Variants in SLC20A1 observed in about 807,000 individuals in gnomAD.
The protein encoded by SLC20A1 is solute carrier family 20 member 1, also known as sodium-dependent phosphate transporter 1.
A neutral mutation model predicts 62.7 loss-of-function variants in SLC20A1; 28 were observed. The ratio of observed to expected loss-of-function variants is 0.45; its 90% confidence interval spans 0.33 to 0.61. The LOEUF (loss-of-function observed/expected upper bound fraction) is 0.61. Among genes scored for constraint, SLC20A1 ranks in the 20% least tolerant of loss-of-function variants. SLC20A1 has a pLI of 0.02. For synonymous variants in SLC20A1, 305 were observed against 302.9 expected (o/e 1.01, Z -0.07); for missense variants, 673 against 838.6 (o/e 0.80, Z 2.44).
In SLC20A1 at chr2:112,659,507, C is replaced by G; in HGVS notation, c.1352C>G (p.Pro451Arg). The change falls in exon 8 of 11, where the codon CCT (proline) becomes CGT (arginine). Residue 451 changes from proline to arginine, a missense_variant. Coordinates refer to ENST00000272542, the MANE Select transcript of SLC20A1 (RefSeq NM_005415.5). ...KGEEMEKLTW[P>R]NADSKKRIRM... ...GAAGAAATGGAGAAGCTGACATGGC[C>G]TAATGCAGACTCCAAGAAGCGAATT... is the stretch of plus-strand genomic sequence containing the variant. The G allele has an allele frequency of 6.2e-7, 1 of 1,614,200 alleles. No individual in the cohort carries two copies. The highest frequency in any genetic ancestry group is 8.5e-7 in the Non-Finnish European group (1 of 1,180,054).
Position 112,646,886 on chromosome 2 carries a change from G to A in SLC20A1, c.58G>A (p.Asp20Asn). ...TACCGCCGCTTCTGGTCCTTTGGTGGACTACCTATGGATGCTCATCCTGGG... is the reference window on the plus strand; with the variant it reads ...TACCGCCGCTTCTGGTCCTTTGGTGAACTACCTATGGATGCTCATCCTGGG... ...AATAASGPLV[D>N]YLWMLILGFI... Residue 20 changes from aspartate (D) to asparagine (N), a missense_variant, in exon 2 of 11, where the codon GAC (aspartate) becomes AAC (asparagine). Asp to Asn is a conservative substitution (Grantham distance 23, BLOSUM62 1). Transcript: ENST00000272542. 2 of 1,613,868 alleles carry A rather than the reference G, an allele frequency of 1.2e-6. No homozygotes were observed. The highest frequency in any genetic ancestry group is 1.7e-6 in the Non-Finnish European group (2 of 1,179,918).
chr2:112,647,697 G>C lies in SLC20A1; in HGVS notation c.520G>C (p.Gly174Arg). ...CCCACTGCTTTCTGGAATTATGTCTGGAATTTTATTCTTCCTGGTTCGTGC... is the reference window on the plus strand; with the variant it reads ...CCCACTGCTTTCTGGAATTATGTCTCGAATTTTATTCTTCCTGGTTCGTGC... ...VSPLLSGIMS[G>R]ILFFLVRAFI... is the part of the protein sequence containing the mutation. Residue 174 changes from glycine (G) to arginine (R), a missense_variant, in exon 4 of 11, where the codon GGA (glycine) becomes CGA (arginine). Coordinates refer to ENST00000272542, the MANE Select transcript of SLC20A1 (RefSeq NM_005415.5). 1.2e-6 allele frequency: 2 copies of C among 1,614,016 alleles called. No individual in the cohort carries two copies. The highest frequency in any genetic ancestry group is 1.7e-6 in the Non-Finnish European group (2 of 1,179,960).
chr2:112,646,685 C>T lies in SLC20A1; in HGVS notation c.-144C>T. ...GCAGCGTATAGCAGTAACTCCCCAG[C>T]TCGGTTTCTGTGCCGTAGTTTACAG... On this transcript the variant is annotated 5_prime_UTR_variant, in exon 2 of 11. Coordinates refer to ENST00000272542, the MANE Select transcript of SLC20A1 (RefSeq NM_005415.5). 1 of 324,846 alleles carries T rather than the reference C, an allele frequency of 3.1e-6. No homozygotes were observed. The highest frequency in any genetic ancestry group is 5.2e-6 in the Non-Finnish European group (1 of 192,334). The allele number at this position is 324,846 out of a possible 1,614,324, so 20.1% of individuals were successfully genotyped here. A position where few individuals can be genotyped will look rare whatever the true frequency, so the allele number is the denominator to read the frequency against.
At chr2:112,652,261 C>A in intron 4 of SLC20A1, 1 of 162,490 alleles carries the variant, frequency 6.2e-6, no homozygotes, top group Non-Finnish European at 1.3e-5. Context: ...AGATGGTTGG[C>A]GTACGCATAG....
rs1336774385 is a variant in SLC20A1, at chr2:112,660,475, C to T, written c.1696C>T (p.Leu566Phe). The change falls in exon 9 of 11, where the codon CTC becomes TTC. Residue 566 changes from leucine (L) to phenylalanine (F), a missense_variant. By Grantham distance (22) the Leu-to-Phe change is conservative (BLOSUM62 0). Transcript: ENST00000272542. ...SKVATPIWLL[L>F]YGGVGICVGL... ...AGTGGCAACACCAATATGGCTTCTA[C>T]TCTATGGTGGTGTTGGTATCTGTGT... The T allele has an allele frequency of 3.7e-6, 6 of 1,614,178 alleles. No individual in the cohort carries two copies. The highest frequency in any genetic ancestry group is 1.1e-5 in the South Asian group (1 of 91,086).
In SLC20A1 at chr2:112,659,365, A is replaced by G. The variant is rs1325463690; in HGVS notation, c.1210A>G (p.Met404Val). The change falls in exon 8 of 11, where the codon ATG becomes GTG. Residue 404 changes from methionine (M) to valine (V), a missense_variant. Transcript: ENST00000272542. Reference protein sequence around the residue: ...KLHLAKVGDCMGDSGDKPLRR... With the variant: ...KLHLAKVGDCVGDSGDKPLRR... ...ACATCTTGCCAAGGTGGGAGATTGC[A>G]TGGGAGACTCCGGTGACAAACCCTT... 1.2e-6 allele frequency: 2 copies of G among 1,614,058 alleles called. No homozygotes were observed. The highest frequency in any genetic ancestry group is 1.7e-6 in the Non-Finnish European group (2 of 1,180,046).
rs763426663 is a variant in SLC20A1 at position 112,647,416 on chromosome 2, G to C, written c.427G>C (p.Val143Leu). 5 of 1,613,990 alleles carry C rather than the reference G, an allele frequency of 3.1e-6. No homozygotes were observed. Among genetic ancestry groups the C allele is most frequent in the Non-Finnish European group, 4.2e-6 (5 of 1,179,950 alleles). ...TGGTGCAACTATTGGTTTCTCCCTCGTGGCAAAGGGGCAGGAGGGTGTCAA... is the reference window on the plus strand; with the variant it reads ...TGGTGCAACTATTGGTTTCTCCCTCCTGGCAAAGGGGCAGGAGGGTGTCAA... ...IVGATIGFSL[V>L]AKGQEGVKWS... Residue 143 changes from valine (V) to leucine (L), a missense_variant, in exon 3 of 11, where the codon GTG becomes CTG. By Grantham distance (32) the Val-to-Leu change is conservative (BLOSUM62 1). Transcript: ENST00000272542.
intron 6 of SLC20A1, chr2:112,658,217 A>G (rs1407866503): frequency 6.6e-6 from 1 of 152,312 alleles, no homozygotes; most frequent in Non-Finnish European, 1.5e-5. Flanking sequence ...GCCTGGATGG[A>G]TAGGTCAGCA....
intron 6 of SLC20A1, among the ~76,000 whole-genome samples, chr2:112,657,563 A>C (rs931363951): frequency 6.6e-6 from 1 of 152,228 alleles, no homozygotes; most frequent in South Asian, 2.1e-4. Flanking sequence ...TAGAGAAATC[A>C]TAGCCTACAT....
chr2:112,647,526 G>A (rs1308236385), intron 3 of SLC20A1, 62 bp downstream of exon 3: 2 of 1,592,050 alleles, frequency 1.3e-6, no homozygotes, highest in East Asian at 4.5e-5. Context: ...CATGGCATTA[G>A]GTATGGGAGG....
At chr2:112,661,943 G>A (rs1476470919) in intron 10 of SLC20A1, among the ~76,000 whole-genome samples, 1 of 152,172 alleles carries the variant, frequency 6.6e-6, no homozygotes. Context: ...GGCCAGGTGG[G>A]TTTCTGCTGC....
rs1267649484 is a variant in SLC20A1, at chr2:112,659,276, G to T, written c.1121G>T (p.Gly374Val). The T allele has an allele frequency of 6.2e-7, 1 of 1,614,136 alleles. No homozygotes were observed. The highest frequency in any genetic ancestry group is 2.2e-5 in the East Asian group (1 of 44,890). ...GTCAGCAACCAAATAAACTCCAGTG[G>T]CCACTACCAGTATCACACCGTGCAT... Reference protein sequence around the residue: ...QAVSNQINSSGHYQYHTVHKD... With the variant: ...QAVSNQINSSVHYQYHTVHKD... Residue 374 changes from glycine (G) to valine (V), a missense_variant, in exon 8 of 11, where the codon GGC becomes GTC. Coordinates refer to ENST00000272542, the MANE Select transcript of SLC20A1 (RefSeq NM_005415.5).
chr2:112,646,224 GC>G (rs1686268991), intron 1 of SLC20A1, 95 bp downstream of exon 1: 1 of 152,128 alleles, frequency 6.6e-6, no homozygotes, highest in Non-Finnish European at 1.5e-5. Context: ...GGGCGGCGCG[GC>G]TGGCTTCTCT....
At chr2:112,654,741 G>C (rs4630766) in intron 5 of SLC20A1, among the ~76,000 whole-genome samples, 119,915 of 151,458 alleles carry the variant, frequency 0.79, 48,199 homozygotes, top group East Asian at 1. Flanking sequence ...CTAAAAACTA[G>C]AAAAACTAAC....
At position 112,662,968 on chromosome 2, in the gene SLC20A1, T is replaced by G. The variant is rs753614061; in HGVS notation, c.1983T>G (p.Ser661=). ...FMAWFVTVPI[S]GVISAAIMAI... is the part of the protein sequence containing the mutation. ...CCTGGTTTGTCACAGTCCCCATTTCTGGAGTTATCAGTGCTGCCATCATGG... is the reference window on the plus strand; with the variant it reads ...CCTGGTTTGTCACAGTCCCCATTTCGGGAGTTATCAGTGCTGCCATCATGG... The change falls in exon 11 of 11, where the codon TCT becomes TCG. Residue 661 remains serine (S), a synonymous_variant. Coordinates refer to ENST00000272542, the MANE Select transcript of SLC20A1 (RefSeq NM_005415.5). 6.2e-7 allele frequency: 1 copy of G among 1,614,258 alleles called. No homozygotes were observed. The highest frequency in any genetic ancestry group is 8.5e-7 in the Non-Finnish European group (1 of 1,180,038).
chr2:112,650,569 G>A (rs1686406397), intron 4 of SLC20A1, among the ~76,000 whole-genome samples: 1 of 151,872 alleles, frequency 6.6e-6, no homozygotes, highest in African/African-American at 2.4e-5. Context: ...GACCTCAGGT[G>A]CTCTGTCCGT....
At chr2:112,649,148 A>T (rs1169192171) in intron 4 of SLC20A1, among the ~76,000 whole-genome samples, 3 of 152,224 alleles carry the variant, frequency 2.0e-5, no homozygotes, top group Non-Finnish European at 4.4e-5. Context: ...GCAAAGAGGG[A>T]TTCTCAGGTG....
intron 6 of SLC20A1, 76 bp from the exon 7 acceptor site, chr2:112,658,749 G>A: frequency 6.9e-7 from 1 of 1,459,244 alleles, no homozygotes; most frequent in East Asian, 2.3e-5. Context: ...GTTTTTTGGG[G>A]GTGGAGGAAA....
intron 5 of SLC20A1, among the ~76,000 whole-genome samples, chr2:112,656,569 A>G (rs1237475779): frequency 6.6e-6 from 1 of 152,216 alleles, no homozygotes; most frequent in Non-Finnish European, 1.5e-5. Flanking sequence ...TGTTTTCTGT[A>G]TCTTGCTTTG....
Sources: allele counts gnomAD v4.1 joint callset (sites outside exome capture counted in the v4.1 genomes callset), GRCh38; gene constraint gnomAD v4.1.1; transcripts MANE v1.5; gene names NCBI Gene and HGNC (gene_info 2026-07-23, HGNC 2026-07-21).